Variants in VAV1 observed in about 807,000 individuals in gnomAD.
VAV1 encodes vav guanine nucleotide exchange factor 1, also known as proto-oncogene vav.
A neutral mutation model predicts 128.1 loss-of-function variants in VAV1; 33 were observed. That is an observed-to-expected ratio of 0.26 (90% CI 0.20 to 0.34). The LOEUF (loss-of-function observed/expected upper bound fraction) is 0.34, where lower values mean the gene tolerates loss of function less well. VAV1 is among the 10% of genes least tolerant of loss of function. The probability of loss-of-function intolerance (pLI) is 1.00; values close to 1 mark genes in which losing one functional copy is unlikely to be tolerated. For missense variants in VAV1, 715 were observed against 1,093.7 expected, an observed-to-expected ratio of 0.65 and a Z score of 4.88; for synonymous variants, 394 against 409.8, an observed-to-expected ratio of 0.96 and a Z score of 0.47.
intron 1 of VAV1, among the ~76,000 whole-genome samples, chr19:6,811,404 G>A (rs1476480129): frequency 6.6e-6 from 1 of 152,154 alleles, no homozygotes; most frequent in Non-Finnish European, 1.5e-5. Context: ...AGGATTCAGA[G>A]GTGACTCAAC....
chr19:6,840,714 C>T lies in VAV1; in HGVS notation c.1981-2421C>T, dbSNP rs150402582. On this transcript the variant is annotated intron_variant, in intron 21 of 26. Transcript: ENST00000602142. ...CGACCCCCTAAGCTTAAGTGATCCTCCCACTTCAGCCTCCTGAGTAGCTGG... is the reference window on the plus strand; with the variant it reads ...CGACCCCCTAAGCTTAAGTGATCCTTCCACTTCAGCCTCCTGAGTAGCTGG... Among the ~76,000 whole-genome samples, 31 of 151,802 alleles carry T rather than the reference C, an allele frequency of 2.0e-4. No individual in the cohort carries two copies. In the East Asian group the frequency reaches 5.2e-3, roughly 26 times the overall value.
Position 6,820,872 on chromosome 19 carries a change from G to C in VAV1, c.321+54G>C. On this transcript the variant is annotated intron_variant, in intron 2 of 26. Coordinates refer to ENST00000602142, the MANE Select transcript of VAV1 (RefSeq NM_005428.4). The surrounding 1 kb of genome is among the most constrained non-coding windows in gnomAD (Gnocchi z 4.4). ...TGAGTTTCAGTTAATTTCTATTGAC[G>C]TCTACACTGGGCAAGCTAAGGACTG... The C allele has an allele frequency of 6.5e-7, 1 of 1,537,004 alleles. No homozygotes were observed. The highest frequency in any genetic ancestry group is 9.0e-7 in the Non-Finnish European group (1 of 1,110,992).
chr19:6,846,916 TG>T (rs1972536588), intron 22 of VAV1, among the ~76,000 whole-genome samples: 1 of 148,452 alleles, frequency 6.7e-6, no homozygotes, highest in Admixed American at 6.7e-5. Flanking sequence ...AGTGGCTTTT[TG>T]TTTTTTTTTT....
chr19:6,783,806 C>A (rs539068477), intron 1 of VAV1, among the ~76,000 whole-genome samples: 30 of 152,154 alleles, frequency 2.0e-4, no homozygotes, highest in Admixed American at 9.8e-4. Context: ...TCACATGGCT[C>A]CATTTAACTA....
chr19:6,822,605 T>C lies in VAV1; in HGVS notation c.654+91T>C, dbSNP rs992612501. 1 of 1,169,016 alleles carries C rather than the reference T, an allele frequency of 8.6e-7. No individual in the cohort carries two copies. The highest frequency in any genetic ancestry group is 1.2e-6 in the Non-Finnish European group (1 of 832,554). The allele number at this position is 1,169,016 out of a possible 1,614,324, so 72.4% of individuals were successfully genotyped here. A position where few individuals can be genotyped will look rare whatever the true frequency, so the allele number is the denominator to read the frequency against. ...CACCTGTCCGGCCGCTCTGGGCAGCTGAGGATTTCCTGCTCCCATCGCTTT... is the reference window on the plus strand; with the variant it reads ...CACCTGTCCGGCCGCTCTGGGCAGCCGAGGATTTCCTGCTCCCATCGCTTT... On this transcript the variant is annotated intron_variant, in intron 6 of 26. Transcript: ENST00000602142. This position sits in a 1 kb window ranked among gnomAD's most constrained non-coding sequence, Gnocchi z 5.9.
At chr19:6,808,005 AAAAG>A (rs1256977166) in intron 1 of VAV1, among the ~76,000 whole-genome samples, 1 of 149,830 alleles carries the variant, frequency 6.7e-6, no homozygotes, top group African/African-American at 2.5e-5. Context: ...AAAAAAAAAA[AAAAG>A]AAAAGAAAAA....
intron 1 of VAV1, among the ~76,000 whole-genome samples, chr19:6,778,721 G>T (rs947761896): frequency 1.4e-5 from 2 of 148,016 alleles, no homozygotes; most frequent in Non-Finnish European, 3.0e-5. Flanking sequence ...GAGAGACTTT[G>T]TCTCAAAAAA....
At chr19:6,799,798 T>C (rs568256814) in intron 1 of VAV1, among the ~76,000 whole-genome samples, 1 of 145,400 alleles carries the variant, frequency 6.9e-6, no homozygotes, top group East Asian at 2.0e-4. Context: ...TGAGCTGTGA[T>C]TGGGCCAGGC....
intron 1 of VAV1, among the ~76,000 whole-genome samples, chr19:6,806,110 G>A (rs1409558258): frequency 6.6e-6 from 1 of 151,860 alleles, no homozygotes; most frequent in Non-Finnish European, 1.5e-5. Context: ...TTTTTGAGAT[G>A]GAGTCTCACT....
At chr19:6,833,646 G>A in intron 17 of VAV1, 21 bp downstream of exon 17, 1 of 1,614,078 alleles carries the variant, frequency 6.2e-7, no homozygotes, top group East Asian at 2.2e-5. Flanking sequence ...GAGGGAGGCT[G>A]GGAGGTGAGC....
chr19:6,829,694 C>T, intron 13 of VAV1, 92 bp from the exon 14 acceptor site: 1 of 1,566,328 alleles, frequency 6.4e-7, no homozygotes, highest in Non-Finnish European at 8.7e-7. Context: ...AGGAGAAGGG[C>T]AGGGTGGGAC....
rs1295645274 is a variant in VAV1, at chr19:6,820,402, G to A, written c.205-300G>A. Among the ~76,000 whole-genome samples, 3 of 152,146 alleles carry A rather than the reference G, an allele frequency of 2.0e-5. No homozygotes were observed. The highest frequency in any genetic ancestry group is 4.4e-5 in the Non-Finnish European group (3 of 68,038). Reference sequence around the variant, plus strand: ...TTTCAGGTCATCCACATTGTAGTATGAATCAGTGCTTCATTCCTTTTTATG... The same window carrying A: ...TTTCAGGTCATCCACATTGTAGTATAAATCAGTGCTTCATTCCTTTTTATG... On this transcript the variant is annotated intron_variant, in intron 1 of 26. Coordinates refer to ENST00000602142, the MANE Select transcript of VAV1 (RefSeq NM_005428.4). The surrounding 1 kb of genome is among the most constrained non-coding windows in gnomAD (Gnocchi z 4.4).
chr19:6,834,346 C>T (rs902982801), intron 19 of VAV1, among the ~76,000 whole-genome samples: 37 of 150,956 alleles, frequency 2.5e-4, no homozygotes, highest in South Asian at 4.2e-4. Flanking sequence ...CAAGTTCAAG[C>T]GATTCTCCTG....
At chr19:6,834,781 G>A (rs911572012) in intron 19 of VAV1, among the ~76,000 whole-genome samples, 45 of 150,012 alleles carry the variant, frequency 3.0e-4, no homozygotes, top group African/African-American at 1.1e-3. Flanking sequence ...AGGCAGGAGT[G>A]TTCCACTTAT....
Position 6,820,798 on chromosome 19 carries a change from G to A in VAV1, c.301G>A (p.Asp101Asn), listed in dbSNP as rs1453438674. ...GCTCTTCGAAGCCTTTGACCTCTTC[G>A]ATGTGCAGGATTTTGGCAAGGTGAG... is the stretch of plus-strand genomic sequence containing the variant. The part of the protein sequence containing the change: ...SELFEAFDLF[D>N]VQDFGKVIYT... Residue 101 changes from aspartate to asparagine, a missense_variant, in exon 2 of 27, where the codon GAT (aspartate) becomes AAT (asparagine). Transcript: ENST00000602142. The surrounding 1 kb of genome is among the most constrained non-coding windows in gnomAD (Gnocchi z 4.4). 6.2e-6 allele frequency: 10 copies of A among 1,614,078 alleles called. No individual in the cohort carries two copies. Among genetic ancestry groups the A allele is most frequent in the South Asian group, 4.4e-5 (4 of 91,090 alleles).
At chr19:6,831,505 A>G (rs770497549) in intron 14 of VAV1, among the ~76,000 whole-genome samples, 22 of 151,998 alleles carry the variant, frequency 1.4e-4, no homozygotes, top group Middle Eastern at 3.4e-3. Context: ...GTAGAGACGG[A>G]GTTTCACCAC....
At chr19:6,832,667 CCTCTTCCTCCTCTTCTTT>C (rs1017721554) in intron 15 of VAV1, among the ~76,000 whole-genome samples, 2 of 149,394 alleles carry the variant, frequency 1.3e-5, no homozygotes, top group African/African-American at 5.0e-5. Context: ...TCCTCCTCCT[CCTCTTCCTCCTCTTCTTT>C]CTCTTCCTCC....
In VAV1 at chr19:6,826,966, A is replaced by G. The variant is rs1456719175; in HGVS notation, c.927+255A>G. 1 of 525,654 alleles carries G rather than the reference A, an allele frequency of 1.9e-6. No individual in the cohort carries two copies. The highest frequency in any genetic ancestry group is 3.2e-5 in the East Asian group (1 of 31,206). 32.6% of individuals were successfully genotyped at this position (525,654 alleles called of 1,614,324 possible). On this transcript the variant is annotated intron_variant, in intron 9 of 26. Transcript: ENST00000602142. This position sits in a 1 kb window ranked among gnomAD's most constrained non-coding sequence, Gnocchi z 4.1. ...ACCCTGAACTGAGCTCTGATCTCAC[A>G]CTCAACCCCAGCCCTGGGCTGAGCC...
At chr19:6,836,342 AG>A (rs1184569119) in intron 19 of VAV1, 89 bp from the exon 20 acceptor site, 3 of 1,497,556 alleles carry the variant, frequency 2.0e-6, no homozygotes, top group Non-Finnish European at 2.7e-6. Flanking sequence ...CAGTCTAAAA[AG>A]AAAAATTTTA....
Sources: gnomAD v4.1 joint callset for allele counts (sites outside exome capture counted in the v4.1 genomes callset) on GRCh38, gnomAD v4.1.1 for gene constraint, Gnocchi (gnomAD v3.1) non-coding constraint, MANE v1.5 for transcripts, NCBI Gene and HGNC (gene_info 2026-07-23, HGNC 2026-07-21) for gene names.